Variants in FOXN3 observed in about 807,000 individuals in gnomAD.
FOXN3 encodes forkhead box N3.
A neutral mutation model predicts 38.4 loss-of-function variants in FOXN3; 7 were observed. The ratio of observed to expected loss-of-function variants is 0.18; its 90% CI spans 0.10 to 0.34. The LOEUF (loss-of-function observed/expected upper bound fraction) is 0.34, where lower values mean the gene tolerates loss of function less well. Ranked by LOEUF, FOXN3 falls within the 10% of genes least tolerant of loss-of-function variation. FOXN3 has a pLI of 1.00. For synonymous variants in FOXN3, 230 were observed against 242.2 expected, an observed-to-expected ratio of 0.95 and a Z score of 0.47; for missense variants, 456 against 613.4, an observed-to-expected ratio of 0.74 and a Z score of 2.71.
chr14:89,301,018 G>A (rs996130898), intron 3 of FOXN3, among the ~76,000 whole-genome samples: 1 of 151,896 alleles, frequency 6.6e-6, no homozygotes, highest in Non-Finnish European at 1.5e-5. Context: ...GGCCAGGCTG[G>A]TTTCAAACTC....
intron 1 of FOXN3, among the ~76,000 whole-genome samples, chr14:89,482,720 C>A (rs1893360606): frequency 6.6e-6 from 1 of 150,902 alleles, no homozygotes; most frequent in African/African-American, 2.4e-5. Context: ...AGCAGCCTGG[C>A]CAACATGGTG....
At chr14:89,319,011 G>A (rs1887822009) in intron 3 of FOXN3, among the ~76,000 whole-genome samples, 1 of 152,240 alleles carries the variant, frequency 6.6e-6, no homozygotes, top group Non-Finnish European at 1.5e-5. Flanking sequence ...CAACAGGAAA[G>A]GCCACCAGGG....
chr14:89,574,456 G>C (rs1321422865), intron 1 of FOXN3, among the ~76,000 whole-genome samples: 1 of 152,166 alleles, frequency 6.6e-6, no homozygotes, highest in African/African-American at 2.4e-5. Context: ...GGAGAGAGCA[G>C]AGAGAGAACC....
chr14:89,373,449 A>G (rs1207869786), intron 2 of FOXN3, among the ~76,000 whole-genome samples: 1 of 144,428 alleles, frequency 6.9e-6, no homozygotes, highest in Non-Finnish European at 1.5e-5. Flanking sequence ...GGGAGCACGT[A>G]AGCAGAAAGT....
chr14:89,298,900 T>C (rs1423731920), intron 3 of FOXN3, among the ~76,000 whole-genome samples: 2 of 152,196 alleles, frequency 1.3e-5, no homozygotes, highest in Non-Finnish European at 2.9e-5. Context: ...GTTCCTCTTG[T>C]TGGGTAGAAT....
intron 3 of FOXN3, among the ~76,000 whole-genome samples, chr14:89,334,199 G>A (rs974748700): frequency 6.6e-6 from 1 of 151,960 alleles, no homozygotes; most frequent in Non-Finnish European, 1.5e-5. Flanking sequence ...TTTTAAAAAG[G>A]CAAACTCACA....
At chr14:89,424,412 C>G (rs1213916356) in intron 1 of FOXN3, among the ~76,000 whole-genome samples, 2 of 152,286 alleles carry the variant, frequency 1.3e-5, no homozygotes, top group African/African-American at 4.8e-5. Flanking sequence ...GCCTGGTGCT[C>G]TGAGCAAACA....
chr14:89,482,223 G>A (rs1893345848), intron 1 of FOXN3, among the ~76,000 whole-genome samples: 2 of 152,230 alleles, frequency 1.3e-5, no homozygotes, highest in African/African-American at 4.8e-5. Flanking sequence ...GTGGGGGACA[G>A]TATCCCATGA....
chr14:89,390,490 T>TA (rs376776864), intron 2 of FOXN3, among the ~76,000 whole-genome samples: 1,944 of 130,150 alleles, frequency 0.015, 24 homozygotes, highest in East Asian at 0.025. Context: ...AGCTGCTTTT[T>TA]AAAAAAAAAA....
chr14:89,321,888 A>G (rs1044462051), intron 3 of FOXN3, among the ~76,000 whole-genome samples: 7 of 152,132 alleles, frequency 4.6e-5, no homozygotes, highest in Admixed American at 2.0e-4. Flanking sequence ...CACGGCAATG[A>G]TCTACCACTC....
At chr14:89,370,964 A>G (rs1205960000) in intron 2 of FOXN3, among the ~76,000 whole-genome samples, 2 of 150,248 alleles carry the variant, frequency 1.3e-5, no homozygotes, top group African/African-American at 4.8e-5. Context: ...CGGTTCCCCA[A>G]CACAACAACA....
At chr14:89,387,299 G>A (rs1890818579) in intron 2 of FOXN3, among the ~76,000 whole-genome samples, 1 of 152,050 alleles carries the variant, frequency 6.6e-6, no homozygotes, top group South Asian at 2.1e-4. Context: ...ACCAATTAGG[G>A]GGGAGACACA....
intron 2 of FOXN3, among the ~76,000 whole-genome samples, chr14:89,372,500 G>A (rs1019608135): frequency 6.6e-6 from 1 of 152,142 alleles, no homozygotes; most frequent in Non-Finnish European, 1.5e-5. Flanking sequence ...AATCTTACCT[G>A]AGCCACTATA....
intron 3 of FOXN3, among the ~76,000 whole-genome samples, chr14:89,304,318 G>A (rs1292951247): frequency 6.6e-6 from 1 of 152,158 alleles, no homozygotes; most frequent in Non-Finnish European, 1.5e-5. Flanking sequence ...GGCGGGAAGG[G>A]GCGGTAAGGT....
chr14:89,577,339 CA>C (rs1468895285), intron 1 of FOXN3: 1 of 152,148 alleles, frequency 6.6e-6, no homozygotes, highest in Non-Finnish European at 1.5e-5. Flanking sequence ...TGTAGTCCTC[CA>C]TAAATAAAAT....
intron 1 of FOXN3, among the ~76,000 whole-genome samples, chr14:89,461,156 TG>T (rs778663234): frequency 5.3e-5 from 8 of 151,270 alleles, no homozygotes; most frequent in Non-Finnish European, 1.2e-4. Flanking sequence ...ACCAACATGG[TG>T]AAACCCCATC....
At chr14:89,238,352 A>G (rs1467118820) in intron 4 of FOXN3, among the ~76,000 whole-genome samples, 4 of 152,250 alleles carry the variant, frequency 2.6e-5, no homozygotes. Flanking sequence ...TAATTTGCAC[A>G]CAGATACCAG....
At chr14:89,600,060 A>T (rs1896127747) in intron 1 of FOXN3, among the ~76,000 whole-genome samples, 1 of 152,202 alleles carries the variant, frequency 6.6e-6, no homozygotes, top group African/African-American at 2.4e-5. Flanking sequence ...CATTGCCCTG[A>T]TGGCTCTCCA....
rs142370711 is a variant in FOXN3, at chr14:89,221,697, G to A, written c.746-40891C>T. ...TCTCTCTCAGTGACACGGCTGGGAA[G>A]TAAAGTATCCCCTCTAAGAGAATTT... On this transcript the variant is annotated intron_variant, in intron 4 of 5. Transcript: ENST00000557258. 1.9e-3 allele frequency among the ~76,000 whole-genome samples: 291 copies of A among 152,326 alleles called. 2 individuals carry two copies. Among genetic ancestry groups the A allele is most frequent in the African/African-American group, 6.8e-3 (281 of 41,574 alleles).
Sources: gnomAD v4.1 joint callset for allele counts (sites outside exome capture counted in the v4.1 genomes callset) on GRCh38, gnomAD v4.1.1 for gene constraint, MANE v1.5 for transcripts, NCBI Gene and HGNC (gene_info 2026-07-23, HGNC 2026-07-21) for gene names.